The following FHIT variants were observed in gnomAD, a reference collection of about 807,000 sequenced individuals.
FHIT encodes bis(5'-adenosyl)-triphosphatase.
FHIT carries 19 observed loss-of-function variants against 17.9 expected under a neutral mutation model. The observed-to-expected ratio is 1.06, with a 90% CI of 0.74 to 1.56. FHIT has a LOEUF of 1.56. Ranked by LOEUF, FHIT falls within the 40% of genes most tolerant of loss-of-function variation. The probability of loss-of-function intolerance (pLI) is 0.00; values close to 1 mark genes in which losing one functional copy is unlikely to be tolerated. For missense variants in FHIT, 248 were observed against 189.2 expected (o/e 1.31, Z -1.82); for synonymous variants, 81 against 69.7 (o/e 1.16, Z -0.81).
chr3:60,195,064 G>T (rs1365073093), intron 5 of FHIT, among the ~76,000 whole-genome samples: 2 of 152,116 alleles, frequency 1.3e-5, no homozygotes, highest in Admixed American at 6.6e-5. Context: ...TACTCAGGGG[G>T]CTGAGGCAGG....
At chr3:61,062,810 C>T (rs908876069) in intron 2 of FHIT, among the ~76,000 whole-genome samples, 2 of 152,162 alleles carry the variant, frequency 1.3e-5, no homozygotes, top group East Asian at 3.9e-4. Flanking sequence ...CAGGTGATTA[C>T]TGCTCCTCAA....
At chr3:59,902,863 C>G (rs1040087505) in intron 8 of FHIT, among the ~76,000 whole-genome samples, 2 of 152,164 alleles carry the variant, frequency 1.3e-5, no homozygotes, top group East Asian at 3.9e-4. Context: ...TGCTGGCACT[C>G]TAATGTCTGG....
intron 4 of FHIT, among the ~76,000 whole-genome samples, chr3:60,791,002 C>A (rs141339761): frequency 2.0e-3 from 308 of 152,126 alleles, no homozygotes; most frequent in African/African-American, 7.3e-3. Context: ...AATAGTGAAC[C>A]AAATGTAATA....
At chr3:60,635,133 G>A (rs2039548415) in intron 4 of FHIT, among the ~76,000 whole-genome samples, 1 of 152,150 alleles carries the variant, frequency 6.6e-6, no homozygotes, top group South Asian at 2.1e-4. Flanking sequence ...AAACTAAAAG[G>A]ACAGCAGGCA....
At chr3:60,716,712 G>A (rs2041692506) in intron 4 of FHIT, among the ~76,000 whole-genome samples, 3 of 152,158 alleles carry the variant, frequency 2.0e-5, no homozygotes, top group Admixed American at 6.5e-5. Context: ...TCATTATCAA[G>A]TATTATGTAC....
chr3:60,751,855 C>A (rs1320009033), intron 4 of FHIT, among the ~76,000 whole-genome samples: 3 of 151,492 alleles, frequency 2.0e-5, no homozygotes, highest in Non-Finnish European at 4.4e-5. Context: ...ATAAAAAAAC[C>A]AGAAACAATC....
chr3:60,195,930 T>C (rs1702620492), intron 5 of FHIT, among the ~76,000 whole-genome samples: 1 of 152,076 alleles, frequency 6.6e-6, no homozygotes, highest in Non-Finnish European at 1.5e-5. Context: ...GGGTACCATG[T>C]GCACAACTCA....
rs115955502 is a variant in FHIT at position 59,917,978 on chromosome 3, C to T, written c.348+4368G>A. ...ATCAGACAAGGTTTATAATTGCTTCCGCTAACCTTTCCAGAGTACCACAAT... is the reference window on the plus strand; with the variant it reads ...ATCAGACAAGGTTTATAATTGCTTCTGCTAACCTTTCCAGAGTACCACAAT... On this transcript the variant is annotated intron_variant, in intron 8 of 9. Coordinates refer to ENST00000492590, the MANE Select transcript of FHIT (RefSeq NM_002012.4). Among the ~76,000 whole-genome samples, 830 of 152,234 alleles carry T rather than the reference C, an allele frequency of 5.5e-3. 8 individuals are homozygous for T. Among genetic ancestry groups the T allele is most frequent in the African/African-American group, 0.018 (767 of 41,542 alleles).
At chr3:60,970,275 T>C (rs1709949601) in intron 3 of FHIT, among the ~76,000 whole-genome samples, 1 of 152,230 alleles carries the variant, frequency 6.6e-6, no homozygotes, top group Non-Finnish European at 1.5e-5. Context: ...CCTATACATA[T>C]AGCTATGTCT....
intron 4 of FHIT, among the ~76,000 whole-genome samples, chr3:60,644,226 G>A (rs1430414087): frequency 1.3e-5 from 2 of 152,178 alleles, no homozygotes; most frequent in African/African-American, 4.8e-5. Context: ...ATGCTTTCCT[G>A]CTACTGAATC....
intron 2 of FHIT, among the ~76,000 whole-genome samples, chr3:61,123,718 A>G (rs2036528510): frequency 6.6e-6 from 1 of 152,122 alleles, no homozygotes; most frequent in African/African-American, 2.4e-5. Context: ...CCCTTAGTGT[A>G]GTAATAAATG....
intron 5 of FHIT, among the ~76,000 whole-genome samples, chr3:60,168,712 C>T (rs936559336): frequency 1.3e-5 from 2 of 152,210 alleles, no homozygotes; most frequent in African/African-American, 4.8e-5. Flanking sequence ...ATCAAGTCAG[C>T]TTTTTCATGT....
chr3:60,425,667 A>G (rs533028712), intron 5 of FHIT, among the ~76,000 whole-genome samples: 8 of 152,138 alleles, frequency 5.3e-5, no homozygotes, highest in Non-Finnish European at 1.2e-4. Flanking sequence ...AAAATTTTAT[A>G]AAGCAAGAAA....
At chr3:60,390,695 G>A (rs375307634) in intron 5 of FHIT, among the ~76,000 whole-genome samples, 91 of 151,906 alleles carry the variant, frequency 6.0e-4, no homozygotes, top group Middle Eastern at 3.4e-3. Flanking sequence ...TAATGTGTGT[G>A]TTTGTGTCTT....
chr3:61,182,759 G>A (rs1239602867), intron 2 of FHIT, among the ~76,000 whole-genome samples: 1 of 152,148 alleles, frequency 6.6e-6, no homozygotes, highest in African/African-American at 2.4e-5. Flanking sequence ...GGTATGGGGG[G>A]TGGGGTTGGA....
intron 7 of FHIT, among the ~76,000 whole-genome samples, chr3:59,957,121 T>C (rs1707443959): frequency 6.6e-6 from 1 of 152,208 alleles, no homozygotes; most frequent in African/African-American, 2.4e-5. Flanking sequence ...GATTATTATG[T>C]TGAAGCCCTC....
At chr3:60,309,142 G>A (rs1708820491) in intron 5 of FHIT, among the ~76,000 whole-genome samples, 2 of 152,146 alleles carry the variant, frequency 1.3e-5, no homozygotes, top group South Asian at 4.1e-4. Context: ...GGAAGTGCTA[G>A]CAATTAATTA....
chr3:59,803,005 T>G (rs996531093), intron 8 of FHIT, among the ~76,000 whole-genome samples: 1 of 152,124 alleles, frequency 6.6e-6, no homozygotes, highest in African/African-American at 2.4e-5. Context: ...AAGACACGTG[T>G]CAGGTGCCAT....
At chr3:61,084,474 T>C (rs183958201) in intron 2 of FHIT, among the ~76,000 whole-genome samples, 8 of 152,340 alleles carry the variant, frequency 5.3e-5, no homozygotes, top group East Asian at 1.9e-4. Context: ...TTGGAGAGAA[T>C]AGACCTCTTG....
Sources: allele counts gnomAD v4.1 joint callset (sites outside exome capture counted in the v4.1 genomes callset), GRCh38; gene constraint gnomAD v4.1.1; transcripts MANE v1.5; gene names NCBI Gene and HGNC (gene_info 2026-07-23, HGNC 2026-07-21).